The following DNER variants were observed in gnomAD, a reference collection of about 807,000 sequenced individuals.
DNER encodes the protein delta and Notch-like epidermal growth factor-related receptor.
In DNER, 33 loss-of-function variants were observed where a neutral mutation model predicts 78.2. The ratio of observed to expected loss-of-function variants is 0.42; its 90% CI spans 0.32 to 0.56. The LOEUF is 0.56. Ranked by LOEUF, DNER falls within the 20% of genes least tolerant of loss-of-function variation. The pLI, the probability that DNER is intolerant of heterozygous loss-of-function variation, is 0.11. For synonymous variants in DNER, 417 were observed against 384.8 expected, an observed-to-expected ratio of 1.08 and a Z score of -0.98; for missense variants, 918 against 975.3, an observed-to-expected ratio of 0.94 and a Z score of 0.78.
At chr2:229,422,061 G>A (rs1275777378) in intron 8 of DNER, among the ~76,000 whole-genome samples, 1 of 152,018 alleles carries the variant, frequency 6.6e-6, no homozygotes, top group Non-Finnish European at 1.5e-5. Flanking sequence ...CTTCCTTGGG[G>A]GGGAAAAAAG....
intron 7 of DNER, among the ~76,000 whole-genome samples, chr2:229,474,228 A>G (rs1277715416): frequency 6.6e-6 from 1 of 152,196 alleles, no homozygotes. Flanking sequence ...TTTAAAGTGC[A>G]AAGTGTTCTA....
intron 7 of DNER, among the ~76,000 whole-genome samples, chr2:229,464,907 G>A (rs1163681110): frequency 6.6e-6 from 1 of 152,104 alleles, no homozygotes; most frequent in Admixed American, 6.5e-5. Flanking sequence ...TCCGCCTGGA[G>A]GACAATTTCT....
At chr2:229,622,977 G>A (rs544907213) in intron 1 of DNER, among the ~76,000 whole-genome samples, 5 of 152,266 alleles carry the variant, frequency 3.3e-5, no homozygotes, top group Non-Finnish European at 5.9e-5. Context: ...AGAGGCCCCA[G>A]GAATCTACTA....
chr2:229,597,041 G>GA (rs1697730989), intron 1 of DNER, among the ~76,000 whole-genome samples: 1 of 143,842 alleles, frequency 7.0e-6, no homozygotes. Context: ...ACATATACAT[G>GA]TACACACATG....
intron 7 of DNER, 121 bp downstream of exon 7, chr2:229,477,019 A>T: frequency 1.3e-6 from 1 of 749,592 alleles, no homozygotes; most frequent in Admixed American, 3.2e-5. Flanking sequence ...TGTTTTATAA[A>T]TCAAACAAAA....
chr2:229,449,735 A>C (rs1451277604), intron 7 of DNER, among the ~76,000 whole-genome samples: 1 of 152,214 alleles, frequency 6.6e-6, no homozygotes, highest in African/African-American at 2.4e-5. Context: ...GGTGAATCAG[A>C]AAATCATAAA....
At chr2:229,702,365 C>G (rs1397039597) in intron 1 of DNER, among the ~76,000 whole-genome samples, 1 of 151,650 alleles carries the variant, frequency 6.6e-6, no homozygotes, top group Non-Finnish European at 1.5e-5. Flanking sequence ...TGAAACCTTG[C>G]CTCTACAAAA....
intron 1 of DNER, among the ~76,000 whole-genome samples, chr2:229,709,463 G>A (rs1291251828): frequency 2.6e-5 from 4 of 152,160 alleles, no homozygotes; most frequent in South Asian, 4.1e-4. Flanking sequence ...ATACTACAAT[G>A]TGAGTTTGTG....
chr2:229,382,824 C>G (rs1692774402), intron 11 of DNER, among the ~76,000 whole-genome samples: 1 of 152,102 alleles, frequency 6.6e-6, no homozygotes, highest in Non-Finnish European at 1.5e-5. Context: ...AGAATGGAAA[C>G]AAGTTGGAAA....
intron 1 of DNER, among the ~76,000 whole-genome samples, chr2:229,688,196 A>G (rs1033770819): frequency 1.3e-5 from 2 of 152,222 alleles, no homozygotes; most frequent in Admixed American, 6.5e-5. Context: ...ACAGGGACAC[A>G]GTCAGTGCTA....
chr2:229,505,472 A>T (rs1186669970), intron 6 of DNER, among the ~76,000 whole-genome samples: 5 of 152,208 alleles, frequency 3.3e-5, no homozygotes, highest in Non-Finnish European at 7.4e-5. Flanking sequence ...GGTCCCCTGG[A>T]CCCATCTCTG....
At chr2:229,640,296 C>T (rs1238475398) in intron 1 of DNER, among the ~76,000 whole-genome samples, 1 of 152,208 alleles carries the variant, frequency 6.6e-6, no homozygotes, top group African/African-American at 2.4e-5. Context: ...GATTACATTA[C>T]AATGCAATAC....
rs899954542 is a variant in DNER at position 229,547,023 on chromosome 2, G to T, written c.917C>A (p.Thr306Asn). 1.2e-6 allele frequency: 2 copies of T among 1,614,050 alleles called. No individual in the cohort carries two copies. The highest frequency in any genetic ancestry group is 1.7e-6 in the Non-Finnish European group (2 of 1,180,024). The part of the protein sequence containing the change: ...LRLTLVVKVS[T>N]CVPGESHAND... ...TGCGTGACTCTCCCCCGGCACACAG[G>T]TGCTGACCTTCACCACCAGAGTTAA... is the stretch of plus-strand genomic sequence containing the variant. Residue 306 changes from threonine to asparagine, a missense_variant, in exon 5 of 13, where the codon ACC becomes AAC. By Grantham distance (65) the Thr-to-Asn change is moderately conservative. Transcript: ENST00000341772.
At chr2:229,447,599 A>G (rs1694367957) in intron 7 of DNER, 59 bp from the exon 8 acceptor site, 4 of 1,513,236 alleles carry the variant, frequency 2.6e-6, no homozygotes, top group Non-Finnish European at 3.6e-6. Context: ...ATAATAACTA[A>G]TCAACTGAGT....
chr2:229,442,147 A>G (rs113986168), intron 8 of DNER, among the ~76,000 whole-genome samples: 3,260 of 152,272 alleles, frequency 0.021, 46 homozygotes, highest in African/African-American at 0.037. Flanking sequence ...AAGGTAATAT[A>G]TTCTATACAA....
At chr2:229,425,218 C>T (rs1359128063) in intron 8 of DNER, among the ~76,000 whole-genome samples, 3 of 152,084 alleles carry the variant, frequency 2.0e-5, no homozygotes, top group Non-Finnish European at 4.4e-5. Context: ...CTGGCTCATA[C>T]CAAGCAAATG....
intron 8 of DNER, among the ~76,000 whole-genome samples, chr2:229,434,945 C>T (rs1694090200): frequency 6.6e-6 from 1 of 151,522 alleles, no homozygotes; most frequent in African/African-American, 2.4e-5. Flanking sequence ...CACACACACA[C>T]ACACGTGCAC....
At chr2:229,620,640 C>G (rs79576778) in intron 1 of DNER, among the ~76,000 whole-genome samples, 3 of 152,228 alleles carry the variant, frequency 2.0e-5, no homozygotes, top group African/African-American at 7.2e-5. Context: ...CAGAGAAACA[C>G]CAACCCCACA....
At chr2:229,702,019 AT>A in intron 1 of DNER, 1 of 195,168 alleles carries the variant, frequency 5.1e-6, no homozygotes, top group South Asian at 9.4e-5. Context: ...GAAAAGCCTT[AT>A]TGGAAAGATC....
Sources: gnomAD v4.1 joint callset for allele counts (sites outside exome capture counted in the v4.1 genomes callset) on GRCh38, gnomAD v4.1.1 for gene constraint, MANE v1.5 for transcripts, NCBI Gene and HGNC (gene_info 2026-07-23, HGNC 2026-07-21) for gene names.